Variants in RFC2 observed in about 807,000 individuals in gnomAD.
RFC2 encodes A1 40 kDa subunit.
A neutral mutation model predicts 44.8 loss-of-function variants in RFC2; 34 were observed. That is an observed-to-expected ratio of 0.76 (90% CI 0.58 to 1.01). RFC2 has a LOEUF of 1.01. Among genes scored for constraint, RFC2 ranks in the 50% least tolerant of loss-of-function variants. The pLI, the probability that RFC2 is intolerant of heterozygous loss-of-function variation, is 0.00. For synonymous variants in RFC2, 177 were observed against 168.9 expected, an observed-to-expected ratio of 1.05 and a Z score of -0.37; for missense variants, 400 against 453.6, an observed-to-expected ratio of 0.88 and a Z score of 1.07.
At chr7:74,253,235 T>C (rs1311072284) in intron 1 of RFC2, among the ~76,000 whole-genome samples, 12 of 149,000 alleles carry the variant, frequency 8.1e-5, no homozygotes, top group Non-Finnish European at 1.6e-4. Context: ...TTTTTTTTTT[T>C]TGGAGACAGA....
chr7:74,250,071 T>C (rs1786830439), intron 2 of RFC2, among the ~76,000 whole-genome samples: 1 of 151,306 alleles, frequency 6.6e-6, no homozygotes, highest in Non-Finnish European at 1.5e-5. Context: ...GAGGATCGGT[T>C]GAGCCTGAGA....
In RFC2 at chr7:74,238,417, A is replaced by C. The variant is rs1803142447; in HGVS notation, c.759+506T>G. 6.6e-6 allele frequency among the ~76,000 whole-genome samples: 1 copy of C among 151,880 alleles called. No homozygotes were observed. The highest frequency in any genetic ancestry group is 1.5e-5 in the Non-Finnish European group (1 of 67,946). ...GCTGACATGGGAGAGTAAGTGAGAA[A>C]CCTTTTCCTCAGCCTGGCTTTGAGG... On this transcript the variant is annotated intron_variant, in intron 8 of 10. Coordinates refer to ENST00000055077, the MANE Select transcript of RFC2 (RefSeq NM_181471.3). This position sits in a 1 kb window ranked among gnomAD's most constrained non-coding sequence, Gnocchi z 4.0.
intron 8 of RFC2, 146 bp from the exon 9 acceptor site, chr7:74,237,588 T>C (rs1394221195): frequency 6.1e-6 from 3 of 489,820 alleles, no homozygotes; most frequent in Non-Finnish European, 1.1e-5. Context: ...CAGGATGAGT[T>C]TGGGGAATGC....
chr7:74,240,028 C>T lies in RFC2; in HGVS notation c.603G>A (p.Arg201=), dbSNP rs1554719013. 3.7e-6 allele frequency: 6 copies of T among 1,613,952 alleles called. No homozygotes were observed. The African/African-American group carries it at 4.0e-5, about 11-fold the overall frequency. Residue 201 remains arginine, a synonymous_variant, in exon 7 of 11, where the codon AGG becomes AGA. Transcript: ENST00000055077. ...TCTCCTTCTCGATAACATTCATCAGCCTGGTGAGGATCTGGGCGTCGGTCA... is the reference window on the plus strand; with the variant it reads ...TCTCCTTCTCGATAACATTCATCAGTCTGGTGAGGATCTGGGCGTCGGTCA... ...TKLTDAQILT[R]LMNVIEKERV...
intron 4 of RFC2, 26 bp downstream of exon 4, chr7:74,248,986 C>T (rs377545731): frequency 8.6e-6 from 13 of 1,517,082 alleles, no homozygotes; most frequent in African/African-American, 2.7e-5. Flanking sequence ...CACCCGCCCC[C>T]CTACAGGTCT....
At chr7:74,237,965 A>T (rs1158424398) in intron 8 of RFC2, among the ~76,000 whole-genome samples, 4 of 152,088 alleles carry the variant, frequency 2.6e-5, no homozygotes, top group African/African-American at 4.8e-5. Flanking sequence ...CCGCAGTGGC[A>T]TGAGGCTCTG....
chr7:74,250,794 A>T (rs1437003140), intron 2 of RFC2, among the ~76,000 whole-genome samples: 2 of 146,606 alleles, frequency 1.4e-5, no homozygotes, highest in African/African-American at 2.5e-5. Flanking sequence ...CTATTAAAAC[A>T]TTTTTTTTTT....
At chr7:74,235,419 T>C in intron 10 of RFC2, 113 bp downstream of exon 10, 1 of 735,834 alleles carries the variant, frequency 1.4e-6, no homozygotes, top group South Asian at 1.4e-5. Flanking sequence ...TGACCTCAGG[T>C]GATCTGCCCA....
intron 4 of RFC2, among the ~76,000 whole-genome samples, chr7:74,247,854 T>G (rs935803786): frequency 2.0e-5 from 3 of 152,230 alleles, no homozygotes; most frequent in African/African-American, 4.8e-5. Context: ...TCCTGGGGAC[T>G]GGTGCTAGGC....
intron 6 of RFC2, among the ~76,000 whole-genome samples, chr7:74,240,520 A>AG (rs1554719127): frequency 2.2e-3 from 329 of 151,340 alleles, no homozygotes; most frequent in African/African-American, 7.3e-3. Context: ...AAAAAAAAAA[A>AG]AAGAGAGAGA....
chr7:74,246,242 T>A (rs919144159), intron 5 of RFC2, among the ~76,000 whole-genome samples: 1 of 144,640 alleles, frequency 6.9e-6, no homozygotes, highest in African/African-American at 2.6e-5. Flanking sequence ...CAAATACAAA[T>A]ACAAAAATTA....
intron 4 of RFC2, among the ~76,000 whole-genome samples, chr7:74,248,711 A>T (rs1265922310): frequency 1.3e-5 from 2 of 152,076 alleles, no homozygotes; most frequent in Non-Finnish European, 2.9e-5. Flanking sequence ...CATGTTGGCT[A>T]GGATGGTCTC....
At chr7:74,233,370 G>A (rs932820735) in intron 10 of RFC2, among the ~76,000 whole-genome samples, 4 of 151,544 alleles carry the variant, frequency 2.6e-5, no homozygotes, top group African/African-American at 7.3e-5. Flanking sequence ...AAAATTGGCC[G>A]GTCTTAACAT....
intron 4 of RFC2, among the ~76,000 whole-genome samples, chr7:74,248,505 G>GT (rs111896800): frequency 0.073 from 10,595 of 144,576 alleles, 1,195 homozygotes; most frequent in African/African-American, 0.24. Context: ...AAACTAGTTG[G>GT]TTTTTTTTTT....
intron 10 of RFC2, chr7:74,233,995 C>G: frequency 2.3e-6 from 1 of 443,036 alleles, no homozygotes; most frequent in South Asian, 1.6e-5. Flanking sequence ...TCACACTAAT[C>G]CATATATGCA....
chr7:74,234,501 G>A (rs922453229), intron 10 of RFC2, among the ~76,000 whole-genome samples: 14 of 151,754 alleles, frequency 9.2e-5, no homozygotes, highest in Non-Finnish European at 4.4e-5. Context: ...AGAGAGCCTT[G>A]AATGAAGAAA....
chr7:74,237,915 G>A (rs781998040), intron 8 of RFC2, among the ~76,000 whole-genome samples: 6 of 152,174 alleles, frequency 3.9e-5, no homozygotes, highest in Non-Finnish European at 8.8e-5. Context: ...CAGCAGGCAG[G>A]TGCATGGTGC....
At chr7:74,250,976 G>A (rs960659120) in intron 2 of RFC2, among the ~76,000 whole-genome samples, 2 of 152,036 alleles carry the variant, frequency 1.3e-5, no homozygotes, top group African/African-American at 2.4e-5. Flanking sequence ...TAGTAGAGAC[G>A]GGGTTTTGCC....
chr7:74,235,694 A>G (rs781833964), intron 9 of RFC2, 49 bp from the exon 10 acceptor site: 2 of 1,298,658 alleles, frequency 1.5e-6, no homozygotes, highest in Non-Finnish European at 2.2e-6. Flanking sequence ...AACTGTAAGA[A>G]GACATGTGAT....
Sources: gnomAD v4.1 joint callset for allele counts (sites outside exome capture counted in the v4.1 genomes callset) on GRCh38, gnomAD v4.1.1 for gene constraint, Gnocchi (gnomAD v3.1) non-coding constraint, MANE v1.5 for transcripts, NCBI Gene and HGNC (gene_info 2026-07-23, HGNC 2026-07-21) for gene names.